The following S100A8 variants were observed in gnomAD, a reference collection of about 807,000 sequenced individuals.
S100A8 encodes S100 calcium binding protein A8, also known as protein S100-A8.
A neutral mutation model predicts 4.2 loss-of-function variants in S100A8; 1 was observed. The ratio of observed to expected loss-of-function variants is 0.24; its 90% CI spans 0.08 to 1.12. The LOEUF is 1.12. S100A8 is among the 50% of genes most tolerant of loss of function. S100A8 has a pLI of 0.53. For missense variants in S100A8, 96 were observed against 111.8 expected, an observed-to-expected ratio of 0.86 and a Z score of 0.64; for synonymous variants, 41 against 44.7, an observed-to-expected ratio of 0.92 and a Z score of 0.33.
chr1:153,400,308 C>A, the S100A8 span, among the ~76,000 whole-genome samples: 1 of 152,152 alleles, frequency 6.6e-6, no homozygotes, highest in Non-Finnish European at 1.5e-5. Flanking sequence ...AGGGGCCAGA[C>A]CTTCAGGCTC....
At chr1:153,412,943 C>T in the S100A8 span, among the ~76,000 whole-genome samples, 2,747 of 152,080 alleles carry the variant, frequency 0.018, 82 homozygotes, top group African/African-American at 0.063. Flanking sequence ...ATGAGAACAC[C>T]TGGACACAAG....
At chr1:153,400,234 G>A in the S100A8 span, among the ~76,000 whole-genome samples, 1 of 152,148 alleles carries the variant, frequency 6.6e-6, no homozygotes, top group Admixed American at 6.5e-5. Context: ...AAAGAGAAGT[G>A]GTAGAACCAG....
chr1:153,416,517 C>G, the S100A8 span: 1 of 481,314 alleles, frequency 2.1e-6, no homozygotes, highest in Non-Finnish European at 4.1e-6. Flanking sequence ...TTTGTCCAAA[C>G]ACACACATCT....
At chr1:153,400,031 G>C in the S100A8 span, among the ~76,000 whole-genome samples, 6 of 152,128 alleles carry the variant, frequency 3.9e-5, no homozygotes, top group Admixed American at 3.9e-4. Flanking sequence ...CTCATAGTCT[G>C]TCAGTGGAGG....
At chr1:153,405,125 C>G in the S100A8 span, among the ~76,000 whole-genome samples, 1 of 151,690 alleles carries the variant, frequency 6.6e-6, no homozygotes, top group Non-Finnish European at 1.5e-5. Flanking sequence ...GCCAGTTTTA[C>G]CTACACGGCC....
the S100A8 span, chr1:153,417,113 G>T: frequency 6.6e-6 from 1 of 152,542 alleles, no homozygotes; most frequent in South Asian, 2.1e-4. Context: ...TTTCTCCTGC[G>T]TTGAGAGGTG....
chr1:153,391,179 C>G, upstream of S100A8: 1 of 985,494 alleles, frequency 1.0e-6, no homozygotes, highest in Non-Finnish European at 1.2e-6. Flanking sequence ...GCTACAGTCT[C>G]TGGTTTCTCA....
the S100A8 span, among the ~76,000 whole-genome samples, chr1:153,407,475 C>T: frequency 1.1e-4 from 17 of 152,214 alleles, no homozygotes; most frequent in African/African-American, 4.1e-4. Flanking sequence ...CCAGGAAGCG[C>T]GAACTGGGTG....
chr1:153,408,992 A>T, the S100A8 span, among the ~76,000 whole-genome samples: 1 of 152,266 alleles, frequency 6.6e-6, no homozygotes. Flanking sequence ...AAACATGGAA[A>T]GGAACAACCG....
At chr1:153,418,597 TTCCATTGC>T in the S100A8 span, among the ~76,000 whole-genome samples, 3 of 152,064 alleles carry the variant, frequency 2.0e-5, no homozygotes, top group African/African-American at 4.8e-5. Flanking sequence ...GCACTAGAAG[TTCCATTGC>T]TAGTAGAAAT....
the S100A8 span, among the ~76,000 whole-genome samples, chr1:153,413,395 C>T: frequency 2.0e-5 from 3 of 152,272 alleles, no homozygotes; most frequent in Non-Finnish European, 2.9e-5. Flanking sequence ...TCTTCATCCA[C>T]GGGGCCCTTA....
the S100A8 span, among the ~76,000 whole-genome samples, chr1:153,402,433 T>C: frequency 3.3e-5 from 5 of 151,928 alleles, no homozygotes; most frequent in East Asian, 9.7e-4. Flanking sequence ...AAGGGCCCCA[T>C]GGTTAGAGGA....
chr1:153,392,798 G>A (rs1223710031), upstream of S100A8, among the ~76,000 whole-genome samples: 2 of 152,104 alleles, frequency 1.3e-5, no homozygotes, highest in Non-Finnish European at 2.9e-5. Context: ...ACATAGCAGG[G>A]AGTCTTTCAC....
chr1:153,394,488 G>A (rs1283199428), upstream of S100A8, among the ~76,000 whole-genome samples: 1 of 152,122 alleles, frequency 6.6e-6, no homozygotes, highest in African/African-American at 2.4e-5. Context: ...CCCCAATTCT[G>A]CATTCCTTCC....
chr1:153,410,515 G>T, the S100A8 span, among the ~76,000 whole-genome samples: 1 of 152,136 alleles, frequency 6.6e-6, no homozygotes, highest in African/African-American at 2.4e-5. Context: ...AAAAGTCCAA[G>T]ACCAGATGAA....
the S100A8 span, among the ~76,000 whole-genome samples, chr1:153,405,162 T>C: frequency 4.0e-5 from 6 of 151,884 alleles, no homozygotes; most frequent in East Asian, 1.9e-4. Context: ...TTGGGCGAGA[T>C]GAGGAATGAT....
chr1:153,415,185 CGTGT>C, the S100A8 span, among the ~76,000 whole-genome samples: 25 of 148,156 alleles, frequency 1.7e-4, no homozygotes, highest in East Asian at 3.9e-4. Flanking sequence ...TGTGTGTGTG[CGTGT>C]GTGTGTGTGT....
At chr1:153,402,386 C>T in the S100A8 span, among the ~76,000 whole-genome samples, 2 of 152,158 alleles carry the variant, frequency 1.3e-5, no homozygotes, top group African/African-American at 2.4e-5. Flanking sequence ...ACCTTGTCCC[C>T]GAATAACAGG....
the S100A8 span, among the ~76,000 whole-genome samples, chr1:153,412,567 G>A: frequency 1.3e-5 from 2 of 152,218 alleles, no homozygotes; most frequent in African/African-American, 4.8e-5. Context: ...GTGGAAGACA[G>A]TGTGGCGATT....
Sources: gnomAD v4.1 joint callset for allele counts (sites outside exome capture counted in the v4.1 genomes callset) on GRCh38, gnomAD v4.1.1 for gene constraint, MANE v1.5 for transcripts, NCBI Gene and HGNC (gene_info 2026-07-23, HGNC 2026-07-21) for gene names.